The following PMS1 variants were observed in gnomAD, a reference collection of about 807,000 sequenced individuals.
The protein encoded by PMS1 is PMS1 homolog 1, mismatch repair system component.
In PMS1, 79 loss-of-function variants were observed where a neutral mutation model predicts 93.1. That is an observed-to-expected ratio of 0.85 (90% CI 0.71 to 1.02). The LOEUF (loss-of-function observed/expected upper bound fraction) is 1.02, where lower values mean the gene tolerates loss of function less well. Ranked by LOEUF, PMS1 falls within the 50% of genes least tolerant of loss-of-function variation. The pLI is 0.00. For synonymous variants in PMS1, 335 were observed against 363.4 expected (o/e 0.92, Z 0.89); for missense variants, 1,064 against 1,085.3 (o/e 0.98, Z 0.28).
chr2:189,806,144 ATAATT>A, intron 4 of PMS1: 1 of 345,814 alleles, frequency 2.9e-6, no homozygotes, highest in South Asian at 5.9e-5. Context: ...ATATGATTAA[ATAATT>A]TAAAATCTAT....
intron 10 of PMS1, among the ~76,000 whole-genome samples, chr2:189,866,475 C>G (rs767968375): frequency 2.6e-5 from 4 of 152,110 alleles, no homozygotes; most frequent in Non-Finnish European, 4.4e-5. Context: ...TTTTTCAAAA[C>G]TGAGTCAGGG....
chr2:189,856,022 ATT>A, intron 9 of PMS1: 1 of 180,960 alleles, frequency 5.5e-6, no homozygotes, highest in Non-Finnish European at 1.2e-5. Flanking sequence ...TACTTGACCA[ATT>A]TTTTTTTTCA....
chr2:189,874,839 T>A (rs969313829), intron 12 of PMS1, among the ~76,000 whole-genome samples: 2 of 152,196 alleles, frequency 1.3e-5, no homozygotes, highest in Non-Finnish European at 2.9e-5. Flanking sequence ...GAATATTTTC[T>A]TGTGAAAGAG....
intron 11 of PMS1, among the ~76,000 whole-genome samples, chr2:189,873,275 T>C (rs1192049408): frequency 6.6e-6 from 1 of 152,226 alleles, no homozygotes; most frequent in African/African-American, 2.4e-5. Flanking sequence ...GGGATTAAGT[T>C]AAATTATATA....
At chr2:189,796,610 G>C (rs997667959) in intron 3 of PMS1, among the ~76,000 whole-genome samples, 3 of 152,018 alleles carry the variant, frequency 2.0e-5, no homozygotes, top group Non-Finnish European at 2.9e-5. Context: ...ACATATAAGT[G>C]GACTCATAAA....
chr2:189,836,187 G>A (rs982667153), intron 5 of PMS1, among the ~76,000 whole-genome samples: 1 of 152,134 alleles, frequency 6.6e-6, no homozygotes, highest in African/African-American at 2.4e-5. Flanking sequence ...ATTAAATATC[G>A]AGTATTCTCA....
intron 5 of PMS1, among the ~76,000 whole-genome samples, chr2:189,835,274 C>G (rs1334725029): frequency 6.6e-6 from 1 of 151,832 alleles, no homozygotes; most frequent in African/African-American, 2.4e-5. Context: ...TAAATTTTAC[C>G]AAGACAATCA....
chr2:189,850,088 T>C (rs1322494546), intron 6 of PMS1, among the ~76,000 whole-genome samples: 2 of 152,172 alleles, frequency 1.3e-5, no homozygotes, highest in Non-Finnish European at 2.9e-5. Flanking sequence ...TCATAACATC[T>C]TTAACTACTT....
At chr2:189,827,447 T>C (rs2052530731) in intron 5 of PMS1, among the ~76,000 whole-genome samples, 1 of 152,232 alleles carries the variant, frequency 6.6e-6, no homozygotes, top group Non-Finnish European at 1.5e-5. Context: ...TTCATTTCTT[T>C]CTTAGAAAAT....
At chr2:189,873,719 T>A (rs2057338187) in intron 12 of PMS1, 63 bp downstream of exon 12, 1 of 1,252,374 alleles carries the variant, frequency 8.0e-7, no homozygotes. Context: ...GCCAAGCCGG[T>A]TAGGAACCAG....
Position 189,854,145 on chromosome 2 carries a change from A to G in PMS1, c.966+63A>G, listed in dbSNP as rs527284315. ...TAAACATATATTACTGTTTTCATAT[A>G]AAAAGATTTGTTTATATTTATCTTT... On this transcript the variant is annotated intron_variant, in intron 8 of 12. Coordinates refer to ENST00000441310, the MANE Select transcript of PMS1 (RefSeq NM_000534.5). The G allele has an allele frequency of 8.6e-6, 12 of 1,388,442 alleles. No individual in the cohort carries two copies. The Admixed American group carries it at 2.2e-4, about 26-fold the overall frequency. The allele number at this position is 1,388,442 out of a possible 1,614,324, so 86.0% of individuals were successfully genotyped here.
chr2:189,845,880 C>T (rs1299576453), intron 6 of PMS1, among the ~76,000 whole-genome samples: 1 of 151,958 alleles, frequency 6.6e-6, no homozygotes, highest in Non-Finnish European at 1.5e-5. Context: ...ACAGCCACAA[C>T]ACCCGGCTAA....
intron 1 of PMS1, among the ~76,000 whole-genome samples, chr2:189,786,218 G>A (rs1253807338): frequency 6.6e-6 from 1 of 152,172 alleles, no homozygotes; most frequent in African/African-American, 2.4e-5. Context: ...CAAAAATCCA[G>A]TTGTTAAGAA....
intron 1 of PMS1, among the ~76,000 whole-genome samples, chr2:189,790,200 G>T (rs1183893282): frequency 5.9e-5 from 9 of 152,124 alleles, no homozygotes; most frequent in Non-Finnish European, 1.3e-4. Flanking sequence ...TAACTCTAAA[G>T]GAGCTCAGTG....
At chr2:189,857,510 T>C (rs1010675145) in intron 9 of PMS1, 1 of 468,488 alleles carries the variant, frequency 2.1e-6, no homozygotes, top group Non-Finnish European at 4.4e-6. Flanking sequence ...CTAAGGTATA[T>C]TAAGAGATAT....
intron 5 of PMS1, among the ~76,000 whole-genome samples, chr2:189,841,578 T>C (rs1287605838): frequency 6.6e-6 from 1 of 152,132 alleles, no homozygotes; most frequent in African/African-American, 2.4e-5. Flanking sequence ...GTCTGTTTAC[T>C]TCACCTTTCA....
At chr2:189,858,398 C>T (rs773103817) in intron 9 of PMS1, among the ~76,000 whole-genome samples, 1 of 152,072 alleles carries the variant, frequency 6.6e-6, no homozygotes, top group African/African-American at 2.4e-5. Flanking sequence ...AATGTTTAGT[C>T]GCAAGAACAT....
intron 6 of PMS1, among the ~76,000 whole-genome samples, chr2:189,850,287 G>A (rs1465457177): frequency 6.6e-6 from 1 of 152,160 alleles, no homozygotes; most frequent in Non-Finnish European, 1.5e-5. Flanking sequence ...AAGGATTAGT[G>A]TTAGGAGACC....
chr2:189,860,638 G>GAAAATGC (rs1337981707), intron 9 of PMS1, among the ~76,000 whole-genome samples: 2 of 151,954 alleles, frequency 1.3e-5, no homozygotes, highest in Admixed American at 6.6e-5. Flanking sequence ...CTTTTGAAAA[G>GAAAATGC]TAATGAGAAT....
Sources: gnomAD v4.1 joint callset for allele counts (sites outside exome capture counted in the v4.1 genomes callset) on GRCh38, gnomAD v4.1.1 for gene constraint, MANE v1.5 for transcripts, NCBI Gene and HGNC (gene_info 2026-07-23, HGNC 2026-07-21) for gene names.